RAD54L2: variants seen among roughly 807,000 people sequenced by gnomAD.
The protein encoded by RAD54L2 is helicase ARIP4.
A neutral mutation model predicts 138.4 loss-of-function variants in RAD54L2; 27 were observed. The ratio of observed to expected loss-of-function variants is 0.20; its 90% confidence interval spans 0.14 to 0.27. RAD54L2 has a LOEUF of 0.27. RAD54L2 is among the 10% of genes least tolerant of loss of function. RAD54L2 has a pLI of 1.00. For synonymous variants in RAD54L2, 644 were observed against 723.2 expected (o/e 0.89, Z 1.76); for missense variants, 1,396 against 1,890.2 (o/e 0.74, Z 4.85).
At position 51,662,434 on chromosome 3, in the gene RAD54L2, G is replaced by A. The variant is rs991045942; in HGVS notation, c.3418G>A (p.Gly1140Arg). 1.3e-6 allele frequency: 2 copies of A among 1,518,476 alleles called. No homozygotes were observed. The allele number at this position is 1,518,476 out of a possible 1,614,324, so 94.1% of individuals were successfully genotyped here. The change falls in exon 23 of 23, where the codon GGA becomes AGA. Residue 1140 changes from glycine (G) to arginine (R), a missense_variant. Gly to Arg is a moderately radical substitution (Grantham distance 125). Around this residue, in one of 7 missense-constraint regions of RAD54L2, gnomAD observed 634 missense variants for 711.2 expected, o/e 0.89. Transcript: ENST00000684192. The surrounding 1 kb of genome is among the most constrained non-coding windows in gnomAD (Gnocchi z 4.6). ...DGRMAASGSQ[G>R]PSCESTSNGR... ...CTACATTTTGTCCCCAGGTTCCCAG[G>A]GACCTTCTTGCGAGTCCACAAGCAA... is the stretch of plus-strand genomic sequence containing the variant.
chr3:51,655,525 C>T (rs976323596), intron 19 of RAD54L2, among the ~76,000 whole-genome samples: 3 of 152,208 alleles, frequency 2.0e-5, no homozygotes, highest in African/African-American at 7.2e-5. Context: ...ATCACCTAAA[C>T]GTGTCGTTAC....
intron 2 of RAD54L2, among the ~76,000 whole-genome samples, chr3:51,587,162 G>A (rs1428262671): frequency 2.6e-5 from 4 of 151,426 alleles, no homozygotes; most frequent in Admixed American, 2.0e-4. Context: ...GTGCAGTGGC[G>A]TGATCTCGGC....
intron 2 of RAD54L2, among the ~76,000 whole-genome samples, chr3:51,545,774 T>C (rs1553672147): frequency 6.6e-6 from 1 of 151,576 alleles, no homozygotes; most frequent in African/African-American, 2.4e-5. Context: ...GAGGCAGGGG[T>C]CCCACTATGT....
rs2106867692 is a variant in RAD54L2 at position 51,665,223 on chromosome 3, T to G, written c.*1803T>G. ...ACAGTTCTTTATGATGAACAAACTT[T>G]GGCTTTAGAGCTTTACCACTTACCC... On this transcript the variant is annotated 3_prime_UTR_variant, in exon 23 of 23. Coordinates refer to ENST00000684192, the MANE Select transcript of RAD54L2 (RefSeq NM_015106.4). The G allele has an allele frequency of 2.0e-5, 3 of 151,842 alleles. No homozygotes were observed. The highest frequency in any genetic ancestry group is 6.8e-3 in the Middle Eastern group (2 of 294). 9.4% of individuals were successfully genotyped at this position (151,842 alleles called of 1,614,324 possible).
chr3:51,651,162 A>G (rs985537062), intron 19 of RAD54L2, among the ~76,000 whole-genome samples: 8 of 152,234 alleles, frequency 5.3e-5, no homozygotes, highest in African/African-American at 1.4e-4. Context: ...AAACACCTCT[A>G]TGCAAATAAA....
chr3:51,590,052 G>A (rs1047124774), intron 2 of RAD54L2, among the ~76,000 whole-genome samples: 1 of 152,026 alleles, frequency 6.6e-6, no homozygotes, highest in Non-Finnish European at 1.5e-5. Context: ...ATGCAGTGGC[G>A]CCATCTTGGC....
chr3:51,642,661 T>C (rs1334358405), intron 15 of RAD54L2, among the ~76,000 whole-genome samples: 3 of 152,102 alleles, frequency 2.0e-5, no homozygotes, highest in East Asian at 3.9e-4. Context: ...ACCAAAAATA[T>C]CTCCAGACAT....
chr3:51,589,130 A>C (rs1285775626), intron 2 of RAD54L2, among the ~76,000 whole-genome samples: 1 of 152,154 alleles, frequency 6.6e-6, no homozygotes, highest in Non-Finnish European at 1.5e-5. Flanking sequence ...CATCCTGATA[A>C]ATGCATCGTA....
chr3:51,594,895 G>A (rs1470655961), intron 3 of RAD54L2, among the ~76,000 whole-genome samples: 3 of 88,354 alleles, frequency 3.4e-5, no homozygotes, highest in Non-Finnish European at 6.3e-5. Context: ...TTTTTTTGAC[G>A]GAGTCTCGCT....
intron 1 of RAD54L2, among the ~76,000 whole-genome samples, chr3:51,540,734 A>G (rs1057287009): frequency 1.1e-4 from 16 of 152,214 alleles, no homozygotes; most frequent in African/African-American, 3.4e-4. Flanking sequence ...TAAGCTTTAA[A>G]TAATTATTTT....
At position 51,549,236 on chromosome 3, in the gene RAD54L2, C is replaced by T. The variant is rs531759153; in HGVS notation, c.-55+7586C>T. On this transcript the variant is annotated intron_variant, in intron 2 of 22. Transcript: ENST00000684192. Reference sequence around the variant, plus strand: ...TCAAACTCCTGGACCTCAGGTGATCCATCTGCTTTGGACCCTGAAAGTGCT... The same window carrying T: ...TCAAACTCCTGGACCTCAGGTGATCTATCTGCTTTGGACCCTGAAAGTGCT... Among the ~76,000 whole-genome samples, 8 of 151,998 alleles carry T rather than the reference C, an allele frequency of 5.3e-5. No individual in the cohort carries two copies. The East Asian group carries it at 1.6e-3, about 30-fold the overall frequency.
chr3:51,616,538 C>G (rs1337288256), intron 3 of RAD54L2, among the ~76,000 whole-genome samples: 3 of 152,012 alleles, frequency 2.0e-5, no homozygotes. Context: ...AAGAAAATAT[C>G]CACTGTCAGC....
At chr3:51,605,900 A>G (rs958483299) in intron 3 of RAD54L2, among the ~76,000 whole-genome samples, 1 of 152,240 alleles carries the variant, frequency 6.6e-6, no homozygotes, top group African/African-American at 2.4e-5. Flanking sequence ...ACTGGAATGA[A>G]GAGAAAGGAA....
chr3:51,638,394 T>A lies in RAD54L2; in HGVS notation c.1860+73T>A. 1 of 1,551,192 alleles carries A rather than the reference T, an allele frequency of 6.4e-7. No individual in the cohort carries two copies. Among genetic ancestry groups the A allele is most frequent in the Non-Finnish European group, 8.8e-7 (1 of 1,133,114 alleles). On this transcript the variant is annotated intron_variant, in intron 12 of 22. Transcript: ENST00000684192. The surrounding 1 kb of genome is among the most constrained non-coding windows in gnomAD (Gnocchi z 4.3). ...ATGGTCCCAAGGGAGTTACTCCTAC[T>A]GAGAGTCTTCAATAAAGGGAGAATA...
intron 3 of RAD54L2, among the ~76,000 whole-genome samples, chr3:51,603,236 A>T (rs919355369): frequency 2.0e-5 from 3 of 151,228 alleles, no homozygotes; most frequent in African/African-American, 7.3e-5. Flanking sequence ...TTGAGCCAGG[A>T]GGTTGAGGCT....
Position 51,585,129 on chromosome 3 carries a change from A to G in RAD54L2, c.-54-5238A>G, listed in dbSNP as rs144638535. Among the ~76,000 whole-genome samples the G allele has an allele frequency of 6.0e-4, 92 of 152,212 alleles. 1 individual carries two copies. Among genetic ancestry groups the G allele is most frequent in the African/African-American group, 1.6e-3 (65 of 41,530 alleles). On this transcript the variant is annotated intron_variant, in intron 2 of 22. Coordinates refer to ENST00000684192, the MANE Select transcript of RAD54L2 (RefSeq NM_015106.4). The stretch of plus-strand genomic sequence containing the variant: ...CCTGGCCTGTTTTTCTACTCTTAAA[A>G]GACTTTCTTCCCCTTGTAAATTAGC...
chr3:51,539,231 G>A (rs1553670783), intron 1 of RAD54L2, among the ~76,000 whole-genome samples: 1 of 152,144 alleles, frequency 6.6e-6, no homozygotes, highest in African/African-American at 2.4e-5. Flanking sequence ...TCTGGATGCT[G>A]GCGCCCCGGA....
chr3:51,634,086 C>T (rs76085189), intron 9 of RAD54L2, 51 bp downstream of exon 9: 53,734 of 1,584,604 alleles, frequency 0.034, 1,140 homozygotes, highest in Non-Finnish European at 0.038. Flanking sequence ...GACTTCTGTC[C>T]GTGATCTGAT....
At chr3:51,548,777 A>G (rs1243452073) in intron 2 of RAD54L2, among the ~76,000 whole-genome samples, 1 of 150,180 alleles carries the variant, frequency 6.7e-6, no homozygotes, top group African/African-American at 2.5e-5. Flanking sequence ...AGTCCTACAC[A>G]GTGAGTAGAA....
Sources: gnomAD v4.1 joint callset for allele counts (sites outside exome capture counted in the v4.1 genomes callset) on GRCh38, gnomAD v4.1.1 for gene constraint, gnomAD v4.1.1 regional missense constraint, Gnocchi (gnomAD v3.1) non-coding constraint, MANE v1.5 for transcripts, NCBI Gene and HGNC (gene_info 2026-07-23, HGNC 2026-07-21) for gene names.